The following ACAP2 variants were observed in gnomAD, a reference collection of about 807,000 sequenced individuals.
ACAP2 encodes the protein arf-GAP with coiled-coil, ANK repeat and PH domain-containing protein 2.
A neutral mutation model predicts 115.8 loss-of-function variants in ACAP2; 39 were observed. That is an observed-to-expected ratio of 0.34 (90% CI 0.26 to 0.44). ACAP2 has a LOEUF of 0.44. ACAP2 is among the 20% of genes least tolerant of loss of function. ACAP2 has a pLI of 1.00. For synonymous variants in ACAP2, 289 were observed against 315.8 expected, an observed-to-expected ratio of 0.92 and a Z score of 0.90; for missense variants, 662 against 927.6, an observed-to-expected ratio of 0.71 and a Z score of 3.72.
chr3:195,286,423 A>T (rs573358845), intron 21 of ACAP2, among the ~76,000 whole-genome samples: 1 of 152,372 alleles, frequency 6.6e-6, no homozygotes, highest in African/African-American at 2.4e-5. Context: ...TCTTGGCAGC[A>T]GATGACATGT....
chr3:195,308,772 T>A lies in ACAP2; in HGVS notation c.909+14A>T, dbSNP rs1728574474. 1.9e-6 allele frequency: 3 copies of A among 1,607,150 alleles called. No homozygotes were observed. Among genetic ancestry groups the A allele is most frequent in the Non-Finnish European group, 2.6e-6 (3 of 1,176,430 alleles). On this transcript the variant is annotated intron_variant, in intron 11 of 22. Coordinates refer to ENST00000326793, the MANE Select transcript of ACAP2 (RefSeq NM_012287.6). ...AACTGGTAACTCACTGGGGTTTCATTTATTAACACCTACCTTAAATTTTTT... is the reference window on the plus strand; with the variant it reads ...AACTGGTAACTCACTGGGGTTTCATATATTAACACCTACCTTAAATTTTTT...
chr3:195,320,309 AAAAG>A (rs1178274375), intron 10 of ACAP2, among the ~76,000 whole-genome samples: 9 of 152,224 alleles, frequency 5.9e-5, no homozygotes, highest in Non-Finnish European at 1.3e-4. Context: ...ACCAAAAGAA[AAAAG>A]AAAGCTCACT....
In ACAP2 at chr3:195,302,693, A is replaced by G. The variant is rs73206676; in HGVS notation, c.1117-519T>C. 5.3e-5 allele frequency among the ~76,000 whole-genome samples: 8 copies of G among 152,364 alleles called. No individual in the cohort carries two copies. The South Asian group carries it at 1.2e-3, about 24-fold the overall frequency. On this transcript the variant is annotated intron_variant, in intron 13 of 22. Coordinates refer to ENST00000326793, the MANE Select transcript of ACAP2 (RefSeq NM_012287.6). Reference sequence around the variant, plus strand: ...TAAAGAAGAGATCAACTACAAAATTATAACTACAGAGTGAATCAAATATAG... The same window carrying G: ...TAAAGAAGAGATCAACTACAAAATTGTAACTACAGAGTGAATCAAATATAG...
At chr3:195,361,341 C>T (rs538849973) in intron 4 of ACAP2, among the ~76,000 whole-genome samples, 1 of 151,542 alleles carries the variant, frequency 6.6e-6, no homozygotes, top group Non-Finnish European at 1.5e-5. Flanking sequence ...GAGGCTGAGG[C>T]ATGAAAATCA....
intron 1 of ACAP2, among the ~76,000 whole-genome samples, chr3:195,394,388 T>C (rs1386435205): frequency 6.6e-6 from 1 of 152,258 alleles, no homozygotes; most frequent in Non-Finnish European, 1.5e-5. Context: ...AGCAAATTAG[T>C]TGAAATGACC....
At chr3:195,423,170 A>C (rs2108837857) in intron 1 of ACAP2, among the ~76,000 whole-genome samples, 1 of 152,286 alleles carries the variant, frequency 6.6e-6, no homozygotes, top group Admixed American at 6.5e-5. Context: ...AAAAAAAAGT[A>C]CATGTGAGAT....
intron 13 of ACAP2, among the ~76,000 whole-genome samples, chr3:195,304,713 A>G (rs140540601): frequency 6.6e-4 from 100 of 152,352 alleles, no homozygotes; most frequent in African/African-American, 2.0e-3. Flanking sequence ...ATAGCTATGC[A>G]GGAGATCAAT....
At chr3:195,383,838 T>C (rs1205906757) in intron 2 of ACAP2, among the ~76,000 whole-genome samples, 2 of 151,922 alleles carry the variant, frequency 1.3e-5, no homozygotes, top group Non-Finnish European at 2.9e-5. Flanking sequence ...GCAGAGATAA[T>C]TACCCCCCAA....
At chr3:195,354,227 T>G (rs1731801690) in intron 4 of ACAP2, among the ~76,000 whole-genome samples, 1 of 152,252 alleles carries the variant, frequency 6.6e-6, no homozygotes, top group African/African-American at 2.4e-5. Flanking sequence ...GTATGCATTT[T>G]CTTTATCCAG....
chr3:195,304,001 A>G (rs1280577449), intron 13 of ACAP2, among the ~76,000 whole-genome samples: 1 of 151,700 alleles, frequency 6.6e-6, no homozygotes, highest in Non-Finnish European at 1.5e-5. Flanking sequence ...CTCTACTAAA[A>G]ATACAAAAAA....
intron 11 of ACAP2, 72 bp downstream of exon 11, chr3:195,308,714 C>T (rs1421580693): frequency 3.9e-6 from 5 of 1,279,586 alleles, no homozygotes; most frequent in Non-Finnish European, 5.6e-6. Flanking sequence ...TATGTATAGA[C>T]TTCAATGTTT....
intron 1 of ACAP2, among the ~76,000 whole-genome samples, chr3:195,408,998 C>T (rs990746113): frequency 6.6e-5 from 10 of 151,918 alleles, no homozygotes; most frequent in Non-Finnish European, 1.2e-4. Context: ...TCATACTCTA[C>T]TGAAAGCTTC....
rs1338019958 is a variant in ACAP2, at chr3:195,276,110, T to G, written c.*3218A>C. The G allele has an allele frequency of 2.0e-5, 3 of 152,662 alleles. No homozygotes were observed. Among genetic ancestry groups the G allele is most frequent in the Admixed American group, 6.5e-5 (1 of 15,286 alleles). The allele number at this position is 152,662 out of a possible 1,614,324, so 9.5% of individuals were successfully genotyped here. A position where few individuals can be genotyped will look rare whatever the true frequency, so the allele number is the denominator to read the frequency against. ...AATTTAGTCTTAAACACAATTTCAT[T>G]TACTGCGACCATACTTAACATGCAT... On this transcript the variant is annotated 3_prime_UTR_variant, in exon 23 of 23. Transcript: ENST00000326793.
chr3:195,358,224 A>C (rs1732118065), intron 4 of ACAP2, among the ~76,000 whole-genome samples: 1 of 152,162 alleles, frequency 6.6e-6, no homozygotes, highest in Non-Finnish European at 1.5e-5. Flanking sequence ...ATAACAACTA[A>C]GTAGGTTTGA....
rs377307095 is a variant in ACAP2, at chr3:195,369,325, T to C, written c.285+11684A>G. On this transcript the variant is annotated intron_variant, in intron 4 of 22. Coordinates refer to ENST00000326793, the MANE Select transcript of ACAP2 (RefSeq NM_012287.6). Reference sequence around the variant, plus strand: ...ACATGTGCAGGTTATATAGGTAAACTCTTATCATGGGGGTTTGATGTACAG... The same window carrying C: ...ACATGTGCAGGTTATATAGGTAAACCCTTATCATGGGGGTTTGATGTACAG... Among the ~76,000 whole-genome samples, 19 of 152,324 alleles carry C rather than the reference T, an allele frequency of 1.2e-4. 1 individual carries two copies. The highest frequency in any genetic ancestry group is 1.2e-3 in the East Asian group (6 of 5,184).
intron 4 of ACAP2, among the ~76,000 whole-genome samples, chr3:195,348,472 T>C (rs563548945): frequency 6.6e-6 from 1 of 152,080 alleles, no homozygotes; most frequent in South Asian, 2.1e-4. Context: ...AAAAAAAATC[T>C]ATCGGAAAAT....
intron 1 of ACAP2, among the ~76,000 whole-genome samples, chr3:195,425,776 C>T (rs530171889): frequency 1.1e-3 from 161 of 152,212 alleles, no homozygotes; most frequent in African/African-American, 3.7e-3. Context: ...GCCAAAAATG[C>T]GATTTTTTTA....
At chr3:195,315,265 C>G (rs1455551316) in intron 10 of ACAP2, among the ~76,000 whole-genome samples, 1 of 152,242 alleles carries the variant, frequency 6.6e-6, no homozygotes, top group Admixed American at 6.5e-5. Context: ...AGGCAATCTG[C>G]CTGCCTTGGC....
intron 7 of ACAP2, chr3:195,336,613 T>G: frequency 5.1e-6 from 1 of 195,854 alleles, no homozygotes; most frequent in Non-Finnish European, 1.0e-5. Flanking sequence ...TACCAAACAT[T>G]TTTAGTTATT....
Sources: gnomAD v4.1 joint callset for allele counts (sites outside exome capture counted in the v4.1 genomes callset) on GRCh38, gnomAD v4.1.1 for gene constraint, MANE v1.5 for transcripts, NCBI Gene and HGNC (gene_info 2026-07-23, HGNC 2026-07-21) for gene names.